The following PRPSAP1 variants were observed in gnomAD, a reference collection of about 807,000 sequenced individuals.
The protein encoded by PRPSAP1 is phosphoribosyl pyrophosphate synthase-associated protein 1.
In PRPSAP1, 31 loss-of-function variants were observed where a neutral mutation model predicts 39.4. The observed-to-expected ratio is 0.79, with a 90% CI of 0.59 to 1.06. PRPSAP1 has a LOEUF of 1.06. Among genes scored for constraint, PRPSAP1 ranks in the 50% least tolerant of loss-of-function variants. The pLI, the probability that PRPSAP1 is intolerant of heterozygous loss-of-function variation, is 0.00. For synonymous variants in PRPSAP1, 212 were observed against 192.6 expected, an observed-to-expected ratio of 1.10 and a Z score of -0.83; for missense variants, 430 against 511.6, an observed-to-expected ratio of 0.84 and a Z score of 1.54.
intron 3 of PRPSAP1, among the ~76,000 whole-genome samples, chr17:76,337,591 C>A (rs1028345305): frequency 2.0e-5 from 3 of 152,088 alleles, no homozygotes; most frequent in Non-Finnish European, 4.4e-5. Context: ...TCATCTGCAG[C>A]AGCTGGGAAT....
At chr17:76,319,751 C>A (rs1023212590) in intron 7 of PRPSAP1, among the ~76,000 whole-genome samples, 3 of 151,968 alleles carry the variant, frequency 2.0e-5, no homozygotes, top group Admixed American at 6.6e-5. Flanking sequence ...CCGTGCCTGG[C>A]CTGACTGATT....
At chr17:76,339,801 G>A (rs1266020372) in intron 3 of PRPSAP1, among the ~76,000 whole-genome samples, 1 of 151,662 alleles carries the variant, frequency 6.6e-6, no homozygotes, top group African/African-American at 2.4e-5. Flanking sequence ...TCTATGAAGT[G>A]CTTCCTACTT....
intron 7 of PRPSAP1, among the ~76,000 whole-genome samples, chr17:76,324,755 T>G (rs2071233867): frequency 6.6e-6 from 1 of 151,798 alleles, no homozygotes; most frequent in South Asian, 2.1e-4. Context: ...CTCAGGAGGC[T>G]GAGGTATAAA....
chr17:76,321,555 A>T (rs1415366728), intron 7 of PRPSAP1, among the ~76,000 whole-genome samples: 1 of 152,076 alleles, frequency 6.6e-6, no homozygotes, highest in African/African-American at 2.4e-5. Context: ...CAAACTTAGT[A>T]AATGTGTATT....
chr17:76,323,125 T>G lies in PRPSAP1; in HGVS notation c.781+5592A>C, dbSNP rs182738078. On this transcript the variant is annotated intron_variant, in intron 7 of 9. Coordinates refer to ENST00000446526, the MANE Select transcript of PRPSAP1 (RefSeq NM_002766.3). ...GGGAGGCTGAAGCACGCAGATCACC[T>G]GAGGTCAGGAGTTTGAGATCAGCCT... is the stretch of plus-strand genomic sequence containing the variant. 9.7e-5 allele frequency among the ~76,000 whole-genome samples: 13 copies of G among 134,580 alleles called. 1 individual carries two copies. The highest frequency in any genetic ancestry group is 3.9e-4 in the African/African-American group (13 of 33,536). The allele number at this position is 134,580 out of a possible 152,430, so 88.3% of individuals were successfully genotyped here.
intron 3 of PRPSAP1, among the ~76,000 whole-genome samples, chr17:76,338,279 CT>C (rs1327412896): frequency 4.6e-5 from 7 of 152,152 alleles, no homozygotes; most frequent in Admixed American, 1.3e-4. Flanking sequence ...GGCAACTAAG[CT>C]TATTTTAATG....
chr17:76,326,207 A>G (rs930331686), intron 7 of PRPSAP1, among the ~76,000 whole-genome samples: 2 of 152,204 alleles, frequency 1.3e-5, no homozygotes, highest in Non-Finnish European at 2.9e-5. Flanking sequence ...AAGAAGAGAA[A>G]GCTTTCTTGC....
At chr17:76,336,097 C>G (rs987633917) in intron 3 of PRPSAP1, among the ~76,000 whole-genome samples, 1 of 152,178 alleles carries the variant, frequency 6.6e-6, no homozygotes, top group South Asian at 2.1e-4. Flanking sequence ...CATTAATGAA[C>G]AAGATAAACA....
chr17:76,327,056 T>A (rs2071262492), intron 7 of PRPSAP1, among the ~76,000 whole-genome samples: 1 of 152,158 alleles, frequency 6.6e-6, no homozygotes, highest in Admixed American at 6.6e-5. Flanking sequence ...AAGCTAAAAA[T>A]GCAGATTACG....
upstream of PRPSAP1, chr17:76,354,178 G>A (rs2071618329): frequency 4.0e-6 from 4 of 988,802 alleles, no homozygotes; most frequent in Admixed American, 6.1e-5. Flanking sequence ...CCGCCTCCGA[G>A]GAGGTATACG....
intron 7 of PRPSAP1, among the ~76,000 whole-genome samples, chr17:76,317,299 G>A (rs1197280704): frequency 6.6e-6 from 1 of 151,566 alleles, no homozygotes. Context: ...GCAGTGAACC[G>A]ACATCATGCC....
chr17:76,344,370 C>T (rs1228772580), intron 3 of PRPSAP1, among the ~76,000 whole-genome samples: 2 of 152,194 alleles, frequency 1.3e-5, no homozygotes, highest in African/African-American at 4.8e-5. Context: ...ACCTCGTGAT[C>T]CGCCCGCCTC....
At position 76,313,816 on chromosome 17, in the gene PRPSAP1, C is replaced by A; in HGVS notation, c.852+5G>T. 6.2e-7 allele frequency: 1 copy of A among 1,614,136 alleles called. No homozygotes were observed. Among genetic ancestry groups the A allele is most frequent in the Non-Finnish European group, 8.5e-7 (1 of 1,180,016 alleles). On this transcript the variant is annotated splice_donor_5th_base_variant and intron_variant, in intron 8 of 9. Transcript: ENST00000446526. ...CCTCTGCACATGGATGACATATAAC[C>A]ATACCACGATGATTGCGATGCGGCC...
chr17:76,321,073 G>A (rs563174322), intron 7 of PRPSAP1, among the ~76,000 whole-genome samples: 122 of 152,042 alleles, frequency 8.0e-4, no homozygotes, highest in African/African-American at 2.6e-3. Context: ...ATGAGCCACC[G>A]TGCCCAGCCA....
At chr17:76,343,733 G>T (rs2071465181) in intron 3 of PRPSAP1, among the ~76,000 whole-genome samples, 1 of 152,012 alleles carries the variant, frequency 6.6e-6, no homozygotes, top group Admixed American at 6.6e-5. Flanking sequence ...TACTAGGGAG[G>T]CTGAGGCAGG....
chr17:76,325,414 A>T (rs2143485228), intron 7 of PRPSAP1, among the ~76,000 whole-genome samples: 1 of 140,390 alleles, frequency 7.1e-6, no homozygotes, highest in Non-Finnish European at 1.5e-5. Flanking sequence ...TCAGTCTCAA[A>T]AAAAAAAAAA....
At position 76,324,217 on chromosome 17, in the gene PRPSAP1, G is replaced by A. The variant is rs140146289; in HGVS notation, c.781+4500C>T. ...ACAGATCATTTTGTAGTTCATAAGTGTGATCATTGGGTGTTCACGCTTACA... is the reference window on the plus strand; with the variant it reads ...ACAGATCATTTTGTAGTTCATAAGTATGATCATTGGGTGTTCACGCTTACA... On this transcript the variant is annotated intron_variant, in intron 7 of 9. Coordinates refer to ENST00000446526, the MANE Select transcript of PRPSAP1 (RefSeq NM_002766.3). Among the ~76,000 whole-genome samples, 576 of 151,804 alleles carry A rather than the reference G, an allele frequency of 3.8e-3. 1 individual carries two copies. Among genetic ancestry groups the A allele is most frequent in the African/African-American group, 0.013 (557 of 41,430 alleles).
chr17:76,347,732 C>T (rs111797594), intron 2 of PRPSAP1, among the ~76,000 whole-genome samples: 38 of 151,978 alleles, frequency 2.5e-4, no homozygotes, highest in African/African-American at 8.9e-4. Flanking sequence ...CGTGGCAGGG[C>T]AGGAGTGGCC....
At chr17:76,346,029 C>T (rs376778338) in intron 2 of PRPSAP1, 31 of 437,260 alleles carry the variant, frequency 7.1e-5, no homozygotes, top group East Asian at 5.0e-4. Flanking sequence ...CTGACACTGG[C>T]GAGGAGGGGA....
Sources: allele counts gnomAD v4.1 joint callset (sites outside exome capture counted in the v4.1 genomes callset), GRCh38; gene constraint gnomAD v4.1.1; transcripts MANE v1.5; gene names NCBI Gene and HGNC (gene_info 2026-07-23, HGNC 2026-07-21).